PICALM: variants seen among roughly 807,000 people sequenced by gnomAD.
PICALM encodes the protein phosphatidylinositol binding clathrin assembly protein, also known as phosphatidylinositol-binding clathrin assembly protein.
A neutral mutation model predicts 80.5 loss-of-function variants in PICALM; 40 were observed. The ratio of observed to expected loss-of-function variants is 0.50; its 90% CI spans 0.39 to 0.65. The LOEUF (loss-of-function observed/expected upper bound fraction) is 0.65. Ranked by LOEUF, PICALM falls within the 30% of genes least tolerant of loss-of-function variation. PICALM has a pLI of 0.00. For missense variants in PICALM, 676 were observed against 778.9 expected, an observed-to-expected ratio of 0.87 and a Z score of 1.57; for synonymous variants, 288 against 260.3, an observed-to-expected ratio of 1.11 and a Z score of -1.02.
chr11:85,996,695 C>T, intron 12 of PICALM, 131 bp downstream of exon 12: 4 of 576,254 alleles, frequency 6.9e-6, no homozygotes, highest in South Asian at 4.5e-5. Context: ...GATAAAATTG[C>T]TTCATTGCCA....
intron 19 of PICALM, among the ~76,000 whole-genome samples, chr11:85,961,193 G>A (rs2093676354): frequency 6.6e-6 from 1 of 152,142 alleles, no homozygotes. Context: ...GTGCAACTCT[G>A]ACCTCAGTCC....
At chr11:85,962,791 AGCG>A (rs772464920) in intron 19 of PICALM, among the ~76,000 whole-genome samples, 1 of 152,242 alleles carries the variant, frequency 6.6e-6, no homozygotes, top group African/African-American at 2.4e-5. Context: ...ATCTGTATCA[AGCG>A]GATGAAACCA....
chr11:85,980,382 C>T (rs185122569), intron 17 of PICALM, among the ~76,000 whole-genome samples: 1 of 152,310 alleles, frequency 6.6e-6, no homozygotes, highest in East Asian at 1.9e-4. Flanking sequence ...ACTTTATTTC[C>T]TCTTTCATAA....
At position 85,987,774 on chromosome 11, in the gene PICALM, G is replaced by A. The variant is rs552966034; in HGVS notation, c.1408+2476C>T. Among the ~76,000 whole-genome samples, 6 of 152,318 alleles carry A rather than the reference G, an allele frequency of 3.9e-5. No homozygotes were observed. The South Asian group carries it at 6.2e-4, about 16-fold the overall frequency. Reference sequence around the variant, plus strand: ...GTACCAGCTACTGTACCCAGCTCCCGAGATGGTTTTTAGTAGTAGTCATTT... The same window carrying A: ...GTACCAGCTACTGTACCCAGCTCCCAAGATGGTTTTTAGTAGTAGTCATTT... On this transcript the variant is annotated intron_variant, in intron 13 of 19. Transcript: ENST00000393346.
chr11:86,040,134 T>C (rs1324267440), intron 1 of PICALM, among the ~76,000 whole-genome samples: 1 of 151,580 alleles, frequency 6.6e-6, no homozygotes, highest in African/African-American at 2.4e-5. Context: ...TGGATGGTGA[T>C]AGTCTGTGAA....
intron 19 of PICALM, among the ~76,000 whole-genome samples, chr11:85,964,243 C>T (rs1266742680): frequency 6.6e-6 from 1 of 152,076 alleles, no homozygotes; most frequent in Non-Finnish European, 1.5e-5. Flanking sequence ...ACTTAAAATC[C>T]TTAGAGAACC....
chr11:85,984,826 T>G (rs2094531891), intron 13 of PICALM, among the ~76,000 whole-genome samples: 1 of 152,182 alleles, frequency 6.6e-6, no homozygotes, highest in African/African-American at 2.4e-5. Flanking sequence ...TGAGGTTATA[T>G]TTAAGTAAGG....
chr11:86,013,555 G>A (rs2095433841), intron 5 of PICALM, among the ~76,000 whole-genome samples: 1 of 151,934 alleles, frequency 6.6e-6, no homozygotes, highest in Admixed American at 6.6e-5. Context: ...GTGTAGCACT[G>A]TTTAGGATAA....
At chr11:85,990,999 GTCTA>G (rs1184919215) in intron 12 of PICALM, among the ~76,000 whole-genome samples, 14 of 152,268 alleles carry the variant, frequency 9.2e-5, no homozygotes, top group Admixed American at 2.6e-4. Context: ...ACCTTTGAAT[GTCTA>G]TCTAAGAGCT....
intron 8 of PICALM, among the ~76,000 whole-genome samples, chr11:86,004,099 A>T (rs1476296669): frequency 6.6e-6 from 1 of 152,216 alleles, no homozygotes; most frequent in Non-Finnish European, 1.5e-5. Context: ...CCCCAAAGAG[A>T]TAAAAACTTA....
intron 1 of PICALM, among the ~76,000 whole-genome samples, chr11:86,040,019 A>G (rs1190437993): frequency 2.4e-4 from 31 of 131,004 alleles, no homozygotes; most frequent in Non-Finnish European, 3.2e-4. Flanking sequence ...AAAAAAAAAA[A>G]AAAAAAAAGG....
At chr11:85,965,281 C>A (rs982821222) in intron 19 of PICALM, among the ~76,000 whole-genome samples, 11 of 152,188 alleles carry the variant, frequency 7.2e-5, no homozygotes, top group Non-Finnish European at 1.6e-4. Context: ...GACTTTCCAG[C>A]CTCCACAACT....
chr11:85,982,276 AAG>A (rs1029727109), intron 14 of PICALM: 12 of 287,206 alleles, frequency 4.2e-5, no homozygotes, highest in African/African-American at 2.3e-4. Flanking sequence ...AGTATTATAA[AAG>A]AGAAAAAAAA....
intron 7 of PICALM, among the ~76,000 whole-genome samples, chr11:86,010,090 T>A (rs2095365034): frequency 6.6e-6 from 1 of 152,032 alleles, no homozygotes; most frequent in Non-Finnish European, 1.5e-5. Flanking sequence ...TAGGAAGAAA[T>A]CTTTGGTGGA....
At chr11:86,022,903 T>A (rs1276360303) in intron 3 of PICALM, among the ~76,000 whole-genome samples, 5 of 152,148 alleles carry the variant, frequency 3.3e-5, no homozygotes, top group Non-Finnish European at 7.4e-5. Context: ...TTTAGAACCA[T>A]AACTTGTATG....
At chr11:86,041,310 A>T (rs2095961011) in intron 1 of PICALM, among the ~76,000 whole-genome samples, 1 of 152,194 alleles carries the variant, frequency 6.6e-6, no homozygotes, top group Non-Finnish European at 1.5e-5. Flanking sequence ...TTTGGAAAAA[A>T]ATATATTAGC....
chr11:85,979,520 T>C (rs1296362438), intron 17 of PICALM, among the ~76,000 whole-genome samples: 3 of 151,202 alleles, frequency 2.0e-5, no homozygotes, highest in South Asian at 2.1e-4. Flanking sequence ...ATAATAAAAT[T>C]AGTGATGGCA....
At chr11:85,982,572 C>T (rs1180569946) in intron 14 of PICALM, among the ~76,000 whole-genome samples, 6 of 146,840 alleles carry the variant, frequency 4.1e-5, no homozygotes, top group African/African-American at 1.0e-4. Context: ...GGACTACAGG[C>T]GCCCGCCACC....
rs771454555 is a variant in PICALM at position 85,990,280 on chromosome 11, T to C, written c.1378A>G (p.Thr460Ala). The C allele has an allele frequency of 6.9e-6, 11 of 1,605,192 alleles. No homozygotes were observed. Among genetic ancestry groups the C allele is most frequent in the East Asian group, 4.5e-5 (2 of 44,734 alleles). Residue 460 changes from threonine to alanine, a missense_variant, in exon 13 of 20, where the codon ACT (threonine) becomes GCT (alanine). Thr to Ala is a moderately conservative substitution (Grantham distance 58). Transcript: ENST00000393346. ...AACATTTCATGAGTAGGTGTCCTAG[T>C]AGTAAAAGTAGATACATCTGAAGAA... ...SISSDVSTFT[T>A]RTPTHEMFVG...
Sources: gnomAD v4.1 joint callset for allele counts (sites outside exome capture counted in the v4.1 genomes callset) on GRCh38, gnomAD v4.1.1 for gene constraint, MANE v1.5 for transcripts, NCBI Gene and HGNC (gene_info 2026-07-23, HGNC 2026-07-21) for gene names.